MYH15: variants seen among roughly 807,000 people sequenced by gnomAD.
MYH15 encodes myosin-15.
MYH15 carries 227 observed loss-of-function variants against 240.5 expected under a neutral mutation model. The observed-to-expected ratio is 0.94, with a 90% CI of 0.85 to 1.05. MYH15 has a LOEUF of 1.05. Among genes scored for constraint, MYH15 ranks in the 50% least tolerant of loss-of-function variants. MYH15 has a pLI of 0.00. For synonymous variants in MYH15, 785 were observed against 796.7 expected (o/e 0.99, Z 0.25); for missense variants, 2,217 against 2,247.5 (o/e 0.99, Z 0.27).
intron 33 of MYH15, among the ~76,000 whole-genome samples, chr3:108,403,043 CA>C (rs2082519010): frequency 6.6e-6 from 1 of 152,094 alleles, no homozygotes. Flanking sequence ...CCCTATCATC[CA>C]AAAATGTCTA....
intron 1 of MYH15, among the ~76,000 whole-genome samples, chr3:108,518,418 GGGGGC>G (rs913104917): frequency 9.2e-5 from 14 of 152,064 alleles, no homozygotes; most frequent in African/African-American, 2.9e-4. Context: ...TCATTTTTCT[GGGGGC>G]GTATTGCTGT....
chr3:108,430,941 C>G lies in MYH15; in HGVS notation c.3222-19G>C. On this transcript the variant is annotated intron_variant, in intron 25 of 40. Coordinates refer to ENST00000693548, the MANE Select transcript of MYH15 (RefSeq NM_014981.3). ...TTCTTTTCTGTTTAGAAAAAGATAT[C>G]AAATACAATTGTTCAGAATAATAAC... is the stretch of plus-strand genomic sequence containing the variant. The G allele has an allele frequency of 6.7e-7, 1 of 1,481,552 alleles. No individual in the cohort carries two copies. Among genetic ancestry groups the G allele is most frequent in the Non-Finnish European group, 9.4e-7 (1 of 1,063,238 alleles). The allele number at this position is 1,481,552 out of a possible 1,614,324, so 91.8% of individuals were successfully genotyped here. A position where few individuals can be genotyped will look rare whatever the true frequency, so the allele number is the denominator to read the frequency against.
intron 27 of MYH15, among the ~76,000 whole-genome samples, chr3:108,428,076 T>G (rs1446044368): frequency 6.6e-6 from 1 of 152,198 alleles, no homozygotes; most frequent in Non-Finnish European, 1.5e-5. Flanking sequence ...AAAAGTTCCC[T>G]CCTCTCAGCA....
At chr3:108,398,937 A>G in intron 34 of MYH15, 97 bp from the exon 35 acceptor site, 1 of 1,448,394 alleles carries the variant, frequency 6.9e-7, no homozygotes, top group Non-Finnish European at 9.7e-7. Flanking sequence ...ATTTAGACAT[A>G]AGCATGCTCC....
chr3:108,505,949 G>A (rs753999273), intron 1 of MYH15, 120 bp from the exon 2 acceptor site: 1 of 593,938 alleles, frequency 1.7e-6, no homozygotes, highest in East Asian at 3.0e-5. Flanking sequence ...GTTGACTACA[G>A]GAACTTGCAA....
chr3:108,539,481 T>C, the MYH15 span, among the ~76,000 whole-genome samples: 1 of 152,294 alleles, frequency 6.6e-6, no homozygotes, highest in East Asian at 1.9e-4. Flanking sequence ...CAAGCAACTA[T>C]GTATTAGCAG....
At chr3:108,527,745 A>C (rs56318689) in intron 1 of MYH15, among the ~76,000 whole-genome samples, 105 of 152,248 alleles carry the variant, frequency 6.9e-4, no homozygotes, top group Non-Finnish European at 1.2e-3. Flanking sequence ...AGGCTGCCTG[A>C]GTGTGAATCA....
rs1225477202 is a variant in MYH15 at position 108,459,431 on chromosome 3, T to C, written c.1951A>G (p.Met651Val). Residue 651 changes from methionine (M) to valine (V), a missense_variant, in exon 18 of 41, where the codon ATG (methionine) becomes GTG (valine). By Grantham distance (21) the Met-to-Val change is conservative. Transcript: ENST00000693548. ...SLHKENLNKL[M>V]TNLKSTAPHF... The stretch of plus-strand genomic sequence containing the variant: ...GGTGCTGTTGATTTCAGATTAGTCA[T>C]CAATTTATTCAGGTTTTCCTAAAAT... 1.2e-6 allele frequency: 2 copies of C among 1,604,140 alleles called. No individual in the cohort carries two copies. The highest frequency in any genetic ancestry group is 1.7e-5 in the Admixed American group (1 of 57,836).
rs577166845 is a variant in MYH15 at position 108,486,506 on chromosome 3, T to C, written c.892A>G (p.Asn298Asp). ...GAGCAAAAGTGGAAGTCTGAGGGAT[T>C]TGCAGATACCAGGAGCAGGTCTAGA... ...ELHDLLLVSA[N>D]PSDFHFCSCG... Residue 298 changes from asparagine to aspartate, a missense_variant, in exon 10 of 41, where the codon AAT (asparagine) becomes GAT (aspartate). Physicochemically the swap from Asn to Asp is conservative, Grantham distance 23. Coordinates refer to ENST00000693548, the MANE Select transcript of MYH15 (RefSeq NM_014981.3). The C allele has an allele frequency of 1.5e-5, 24 of 1,611,542 alleles. No individual in the cohort carries two copies. In the African/African-American group the frequency reaches 2.9e-4, roughly 20 times the overall value.
At chr3:108,401,398 T>A (rs973108964) in intron 33 of MYH15, among the ~76,000 whole-genome samples, 5 of 152,150 alleles carry the variant, frequency 3.3e-5, no homozygotes, top group Admixed American at 6.5e-5. Context: ...CCAAGGAGGA[T>A]CATCAGGAGA....
rs201464785 is a variant in MYH15 at position 108,384,680 on chromosome 3, C to T, written c.5631+7G>A. Reference sequence around the variant, plus strand: ...TCCATGAGGCTGAAACTTCCCCAGGCACTCACCGCCACCTCGACTTGCTGC... The same window carrying T: ...TCCATGAGGCTGAAACTTCCCCAGGTACTCACCGCCACCTCGACTTGCTGC... On this transcript the variant is annotated splice_region_variant and intron_variant, in intron 39 of 40. Transcript: ENST00000693548. 1.8e-4 allele frequency: 289 copies of T among 1,611,662 alleles called. No individual in the cohort carries two copies. The African/African-American group carries it at 3.5e-3, about 20-fold the overall frequency.
At position 108,384,681 on chromosome 3, in the gene MYH15, A is replaced by G; in HGVS notation, c.5631+6T>C. On this transcript the variant is annotated splice_donor_region_variant and intron_variant, in intron 39 of 40. Transcript: ENST00000693548. Reference sequence around the variant, plus strand: ...CCATGAGGCTGAAACTTCCCCAGGCACTCACCGCCACCTCGACTTGCTGCT... The same window carrying G: ...CCATGAGGCTGAAACTTCCCCAGGCGCTCACCGCCACCTCGACTTGCTGCT... 1 of 1,612,040 alleles carries G rather than the reference A, an allele frequency of 6.2e-7. No homozygotes were observed. Among genetic ancestry groups the G allele is most frequent in the Non-Finnish European group, 8.5e-7 (1 of 1,178,536 alleles).
Position 108,391,949 on chromosome 3 carries a change from G to A in MYH15, c.5260-19C>T. ...TTGCTGCCTAGGGGGTTAAAAAAAG[G>A]GACTGAGCTAGTTCAGCAGTCAATT... On this transcript the variant is annotated intron_variant, in intron 36 of 40. Coordinates refer to ENST00000693548, the MANE Select transcript of MYH15 (RefSeq NM_014981.3). 6.2e-7 allele frequency: 1 copy of A among 1,611,854 alleles called. No individual in the cohort carries two copies. Among genetic ancestry groups the A allele is most frequent in the African/African-American group, 1.3e-5 (1 of 74,836 alleles).
intron 1 of MYH15, among the ~76,000 whole-genome samples, chr3:108,518,973 G>A (rs2083596103): frequency 6.6e-6 from 1 of 152,126 alleles, no homozygotes; most frequent in Non-Finnish European, 1.5e-5. Context: ...CTAGTTCTTT[G>A]GGTAGAGCAT....
At chr3:108,501,609 G>C (rs2083438580) in intron 3 of MYH15, 103 bp downstream of exon 3, 1 of 1,443,106 alleles carries the variant, frequency 6.9e-7, no homozygotes, top group African/African-American at 1.4e-5. Flanking sequence ...GACTATCCCT[G>C]TGCGAGCATG....
chr3:108,397,592 T>C (rs149931014), intron 35 of MYH15, among the ~76,000 whole-genome samples: 201 of 152,344 alleles, frequency 1.3e-3, no homozygotes, highest in African/African-American at 4.6e-3. Context: ...GGGGGTGCCC[T>C]ATAAACACTT....
rs2083222935 is a variant in MYH15, at chr3:108,476,533, A to G, written c.1115-18T>C. The G allele has an allele frequency of 2.0e-6, 3 of 1,480,110 alleles. No individual in the cohort carries two copies. The highest frequency in any genetic ancestry group is 1.7e-5 in the Admixed American group (1 of 59,694). 91.7% of individuals were successfully genotyped at this position (1,480,110 alleles called of 1,614,324 possible). On this transcript the variant is annotated intron_variant, in intron 11 of 40. Coordinates refer to ENST00000693548, the MANE Select transcript of MYH15 (RefSeq NM_014981.3). ...GTCAGCATCTGGTCATCAGAAATAG[A>G]AGAAAAGGAAGGAGAGAGGAAAACA... is the stretch of plus-strand genomic sequence containing the variant.
chr3:108,477,423 T>C (rs1044879970), intron 11 of MYH15, among the ~76,000 whole-genome samples: 1 of 152,186 alleles, frequency 6.6e-6, no homozygotes, highest in African/African-American at 2.4e-5. Context: ...CTTGAGAATA[T>C]ACTAATACCC....
Position 108,437,595 on chromosome 3 carries a change from G to A in MYH15, c.3180C>T (p.Asn1060=). 6.2e-7 allele frequency: 1 copy of A among 1,613,878 alleles called. No homozygotes were observed. Among genetic ancestry groups the A allele is most frequent in the Non-Finnish European group, 8.5e-7 (1 of 1,179,906 alleles). The change falls in exon 25 of 41, where the codon AAC becomes AAT. Residue 1060 remains asparagine, a synonymous_variant. Coordinates refer to ENST00000693548, the MANE Select transcript of MYH15 (RefSeq NM_014981.3). ...CCAGGTGTCGCTGGCTGCTTTCCAGGTTCTCCATACTTTCCCGATTCAGCT... is the reference window on the plus strand; with the variant it reads ...CCAGGTGTCGCTGGCTGCTTTCCAGATTCTCCATACTTTCCCGATTCAGCT... ...NLKLNRESME[N]LESSQRHLAE...
Sources: gnomAD v4.1 joint callset for allele counts (sites outside exome capture counted in the v4.1 genomes callset) on GRCh38, gnomAD v4.1.1 for gene constraint, MANE v1.5 for transcripts, NCBI Gene and HGNC (gene_info 2026-07-23, HGNC 2026-07-21) for gene names.